Variants in CD99 observed in about 807,000 individuals in gnomAD.
The protein encoded by CD99 is CD99 molecule (Xg blood group).
In CD99, 19 loss-of-function variants were observed where a neutral mutation model predicts 28.4. The ratio of observed to expected loss-of-function variants is 0.67; its 90% confidence interval spans 0.47 to 0.98. CD99 has a LOEUF of 0.98. CD99 is among the 50% of genes least tolerant of loss of function. The pLI, the probability that CD99 is intolerant of heterozygous loss-of-function variation, is 0.00. For missense variants in CD99, 283 were observed against 248.8 expected (o/e 1.14, Z -0.92); for synonymous variants, 103 against 92.1 (o/e 1.12, Z -0.67).
intron 1 of CD99, among the ~76,000 whole-genome samples, chrX:2,703,829 C>T (rs139436986): frequency 0.038 from 5,772 of 152,152 alleles, 125 homozygotes; most frequent in African/African-American, 0.053. Flanking sequence ...GCCCCTAAGT[C>T]AGTTTCCGGT....
At chrX:2,711,928 G>C (rs1326409841) in intron 1 of CD99, among the ~76,000 whole-genome samples, 1 of 152,150 alleles carries the variant, frequency 6.6e-6, no homozygotes, top group Non-Finnish European at 1.5e-5. Context: ...TATAGTCCCA[G>C]CTACTCAGGA....
intron 8 of CD99, 85 bp downstream of exon 8, chrX:2,726,458 G>A (rs756489910): frequency 8.0e-6 from 7 of 872,488 alleles, no homozygotes; most frequent in Middle Eastern, 3.0e-4. Context: ...AACCAAACTC[G>A]GGCTGGCACG....
chrX:2,732,806 CTTT>C (rs887436580), intron 8 of CD99, among the ~76,000 whole-genome samples: 2 of 147,418 alleles, frequency 1.4e-5, no homozygotes, highest in Non-Finnish European at 3.0e-5. Flanking sequence ...TCCTTCCTTT[CTTT>C]TTTTCCTCTC....
At chrX:2,713,100 AAC>A (rs907148656) in intron 1 of CD99, among the ~76,000 whole-genome samples, 61 of 149,528 alleles carry the variant, frequency 4.1e-4, no homozygotes, top group Middle Eastern at 3.4e-3. Flanking sequence ...GCACATGAAA[AAC>A]ACATATACAC....
At chrX:2,698,459 A>G (rs556404685) in intron 1 of CD99, among the ~76,000 whole-genome samples, 30 of 151,870 alleles carry the variant, frequency 2.0e-4, no homozygotes, top group African/African-American at 6.5e-4. Flanking sequence ...GTGAGCCACC[A>G]TGCTCAGCCT....
At chrX:2,716,808 C>T (rs2048744787) in intron 2 of CD99, among the ~76,000 whole-genome samples, 1 of 152,194 alleles carries the variant, frequency 6.6e-6, no homozygotes, top group South Asian at 2.1e-4. Flanking sequence ...TGCCCTTAGT[C>T]TTACAGCCTC....
rs2049104013 is a variant in CD99 at position 2,723,431 on chromosome X, C to T, written c.361+67C>T. The T allele has an allele frequency of 1.0e-5, 16 of 1,572,196 alleles. No homozygotes were observed. The South Asian group carries it at 1.8e-4, about 17-fold the overall frequency. ...GTGTTGAGAAGGGGAAGCAGAATGT[C>T]TGAGAGCTGGCGGACTGCACTGGCA... On this transcript the variant is annotated intron_variant, in intron 7 of 9. Coordinates refer to ENST00000381192, the MANE Select transcript of CD99 (RefSeq NM_002414.5).
chrX:2,717,506 G>A (rs189405185), intron 2 of CD99, 99 bp from the exon 3 acceptor site: 13 of 975,784 alleles, frequency 1.3e-5, no homozygotes, highest in East Asian at 9.6e-5. Flanking sequence ...AACATTCTCC[G>A]ACTGTTTCCA....
At chrX:2,691,905 G>C (rs1308234248) in intron 1 of CD99, 1 of 779,238 alleles carries the variant, frequency 1.3e-6, no homozygotes, top group Non-Finnish European at 2.4e-6. Context: ...AGACCCGGGT[G>C]GTGGGGGGAA....
At chrX:2,707,352 A>AAGAAAAG (rs1312936259) in intron 1 of CD99, among the ~76,000 whole-genome samples, 1 of 150,398 alleles carries the variant, frequency 6.6e-6, no homozygotes, top group Non-Finnish European at 1.5e-5. Flanking sequence ...AAGAAAAGAA[A>AAGAAAAG]AAAACAGCAA....
intron 8 of CD99, 169 bp from the exon 9 acceptor site, chrX:2,738,031 T>G (rs1212632170): frequency 1.3e-6 from 1 of 745,838 alleles, no homozygotes. Context: ...TTCACTTACA[T>G]GAGTGTTAGA....
At chrX:2,728,784 G>T (rs1263488666) in intron 8 of CD99, among the ~76,000 whole-genome samples, 15 of 150,286 alleles carry the variant, frequency 1.0e-4, no homozygotes, top group Admixed American at 9.9e-4. Context: ...AGGCTTGTTT[G>T]CCAGGACAGG....
chrX:2,733,931 C>T (rs767401966), intron 8 of CD99, among the ~76,000 whole-genome samples: 1 of 152,348 alleles, frequency 6.6e-6, no homozygotes, highest in African/African-American at 2.4e-5. Context: ...CAGGTACACA[C>T]CTTGGTTCCT....
intron 1 of CD99, among the ~76,000 whole-genome samples, chrX:2,711,092 C>T (rs1437173536): frequency 1.3e-5 from 2 of 150,324 alleles, no homozygotes; most frequent in Non-Finnish European, 3.0e-5. Context: ...GGGCTGGTCT[C>T]GAACTCCTGA....
rs1168944774 is a variant in CD99, at chrX:2,738,263, A to G, written c.532+7A>G. On this transcript the variant is annotated splice_region_variant and intron_variant, in intron 9 of 9. Transcript: ENST00000381192. Reference sequence around the variant, plus strand: ...GCCAACGCAGAGCCAGCTGGTAAGAAGGACGGGGAACGATGGCTTGCACAC... The same window carrying G: ...GCCAACGCAGAGCCAGCTGGTAAGAGGGACGGGGAACGATGGCTTGCACAC... The G allele has an allele frequency of 6.2e-7, 1 of 1,613,740 alleles. No individual in the cohort carries two copies. The highest frequency in any genetic ancestry group is 8.5e-7 in the Non-Finnish European group (1 of 1,179,794).
At chrX:2,733,636 A>G in intron 8 of CD99, 1 of 546,382 alleles carries the variant, frequency 1.8e-6, no homozygotes, top group African/African-American at 1.9e-5. Context: ...AGAAATGCAG[A>G]TATTTTCTTT....
chrX:2,728,194 T>C (rs1380939018), intron 8 of CD99, among the ~76,000 whole-genome samples: 1 of 149,004 alleles, frequency 6.7e-6, no homozygotes, highest in Admixed American at 6.7e-5. Flanking sequence ...TGGTGTTTGG[T>C]TGTTTCTTTT....
At chrX:2,713,055 C>T (rs2048501394) in intron 1 of CD99, among the ~76,000 whole-genome samples, 1 of 151,584 alleles carries the variant, frequency 6.6e-6, no homozygotes, top group African/African-American at 2.4e-5. Context: ...CACAAACACA[C>T]CTACACACAT....
At chrX:2,727,248 A>G in intron 8 of CD99, 1 of 769,784 alleles carries the variant, frequency 1.3e-6, no homozygotes, top group Non-Finnish European at 2.4e-6. Flanking sequence ...TAAAATTTAC[A>G]GGGGAATTAG....
Sources: gnomAD v4.1 joint callset for allele counts (sites outside exome capture counted in the v4.1 genomes callset) on GRCh38, gnomAD v4.1.1 for gene constraint, MANE v1.5 for transcripts, NCBI Gene and HGNC (gene_info 2026-07-23, HGNC 2026-07-21) for gene names.